EPHX2: variants seen among roughly 807,000 people sequenced by gnomAD.
EPHX2 encodes the protein bifunctional epoxide hydrolase 2.
EPHX2 carries 74 observed loss-of-function variants against 78.7 expected under a neutral mutation model. That is an observed-to-expected ratio of 0.94 (90% CI 0.78 to 1.14). EPHX2 has a LOEUF of 1.14. Ranked by LOEUF, EPHX2 falls within the 50% of genes most tolerant of loss-of-function variation. The pLI is 0.00. For synonymous variants in EPHX2, 251 were observed against 255.2 expected, an observed-to-expected ratio of 0.98 and a Z score of 0.16; for missense variants, 715 against 702.5, an observed-to-expected ratio of 1.02 and a Z score of -0.20.
At chr8:27,538,220 A>AT (rs1286917071) in intron 13 of EPHX2, among the ~76,000 whole-genome samples, 1 of 151,852 alleles carries the variant, frequency 6.6e-6, no homozygotes, top group Admixed American at 6.6e-5. Flanking sequence ...TCATGAGGGG[A>AT]TTTTTTTTCT....
At chr8:27,495,709 CATA>C (rs1813547298) in intron 1 of EPHX2, among the ~76,000 whole-genome samples, 1 of 152,204 alleles carries the variant, frequency 6.6e-6, no homozygotes, top group Non-Finnish European at 1.5e-5. Context: ...TGCAACTACC[CATA>C]AACAGTAAGG....
At chr8:27,499,840 G>GTTC (rs145302103) in intron 1 of EPHX2, among the ~76,000 whole-genome samples, 19,554 of 152,072 alleles carry the variant, frequency 0.13, 1,456 homozygotes, top group African/African-American at 0.22. Context: ...TGTTAACAGT[G>GTTC]TTCTCCCTGT....
intron 6 of EPHX2, among the ~76,000 whole-genome samples, chr8:27,513,646 C>T (rs1814336941): frequency 6.6e-6 from 1 of 151,962 alleles, no homozygotes; most frequent in Non-Finnish European, 1.5e-5. Flanking sequence ...TGTGTTCTGG[C>T]TTTATGGACA....
chr8:27,517,506 A>G (rs186521419), intron 8 of EPHX2, among the ~76,000 whole-genome samples: 1 of 152,362 alleles, frequency 6.6e-6, no homozygotes, highest in Non-Finnish European at 1.5e-5. Flanking sequence ...TTATAAGTCT[A>G]TAGTATGATA....
chr8:27,511,808 T>C (rs1814258359), intron 5 of EPHX2, 28 bp from the exon 6 acceptor site: 1 of 1,611,592 alleles, frequency 6.2e-7, no homozygotes, highest in Admixed American at 1.7e-5. Context: ...TGCTGCTGTC[T>C]CTCTCACTAT....
chr8:27,511,559 TG>T (rs1290777091), intron 5 of EPHX2, among the ~76,000 whole-genome samples: 1 of 152,142 alleles, frequency 6.6e-6, no homozygotes, highest in African/African-American at 2.4e-5. Flanking sequence ...GAGAATCATT[TG>T]GGGGTTTTAA....
chr8:27,540,388 C>T (rs1271255117), intron 14 of EPHX2, among the ~76,000 whole-genome samples, 166 bp from the exon 15 acceptor site: 2 of 151,996 alleles, frequency 1.3e-5, no homozygotes, highest in Non-Finnish European at 2.9e-5. Flanking sequence ...TTTGAGCTTT[C>T]GAGGAGATGG....
intron 8 of EPHX2, among the ~76,000 whole-genome samples, chr8:27,516,917 C>CTTT (rs145423911): frequency 0.059 from 8,489 of 143,420 alleles, 462 homozygotes; most frequent in East Asian, 0.11. Context: ...AATTTCCTTC[C>CTTT]TATTTTTTTT....
intron 13 of EPHX2, 133 bp downstream of exon 13, chr8:27,536,988 A>C: frequency 1.2e-6 from 1 of 843,170 alleles, no homozygotes; most frequent in Non-Finnish European, 1.8e-6. Context: ...AGGGTAATTG[A>C]GGTCCTCACT....
rs1468340019 is a variant in EPHX2 at position 27,504,158 on chromosome 8, A to G, written c.346+395A>G. Among the ~76,000 whole-genome samples the G allele has an allele frequency of 9.9e-5, 15 of 152,236 alleles. 1 individual carries two copies. The highest frequency in any genetic ancestry group is 9.8e-4 in the Admixed American group (15 of 15,290). Reference sequence around the variant, plus strand: ...GCTATGAGTTGGCTGACATGGGCTCAGATTATGTCACATAGTCTAAGACAT... The same window carrying G: ...GCTATGAGTTGGCTGACATGGGCTCGGATTATGTCACATAGTCTAAGACAT... On this transcript the variant is annotated intron_variant, in intron 3 of 18. Coordinates refer to ENST00000521400, the MANE Select transcript of EPHX2 (RefSeq NM_001979.6).
At chr8:27,500,437 G>GTGA (rs1326152315) in intron 1 of EPHX2, among the ~76,000 whole-genome samples, 1 of 152,154 alleles carries the variant, frequency 6.6e-6, no homozygotes, top group Non-Finnish European at 1.5e-5. Context: ...TTATAGCAGT[G>GTGA]TGAGAACAGA....
At chr8:27,546,253 C>T (rs1199876545), downstream of EPHX2, among the ~76,000 whole-genome samples, 2 of 152,082 alleles carry the variant, frequency 1.3e-5, no homozygotes, top group South Asian at 2.1e-4. Context: ...CCCCAGTTCC[C>T]TCATCTATAA....
In EPHX2 at chr8:27,525,397, C is replaced by T. The variant is rs1203274207; in HGVS notation, c.1094C>T (p.Ala365Val). The change falls in exon 12 of 19, where the codon GCA (alanine) becomes GTA (valine). Residue 365 changes from alanine (A) to valine (V), a missense_variant. Transcript: ENST00000521400. ...VASLNTPFIP[A>V]NPNMSPLESI... ...AGTTTGAATACTCCCTTCATACCAG[C>T]AAATCCCAACATGTCCCCTTTGGAG... 6.2e-7 allele frequency: 1 copy of T among 1,614,182 alleles called. No individual in the cohort carries two copies. Among genetic ancestry groups the T allele is most frequent in the Admixed American group, 1.7e-5 (1 of 60,022 alleles).
chr8:27,491,300 C>T lies in EPHX2; in HGVS notation c.92C>T (p.Ala31Val), dbSNP rs1813368049. ...CTCGGCCGCACGGAGGAGGCCCTGG[C>T]GCTGCCCAGGTAAGGGGGCCCAGCG... Reference protein sequence around the residue: ...GVLGRTEEALALPRGLLNDAF... With the variant: ...GVLGRTEEALVLPRGLLNDAF... Residue 31 changes from alanine (A) to valine (V), a missense_variant, in exon 1 of 19, where the codon GCG becomes GTG. Coordinates refer to ENST00000521400, the MANE Select transcript of EPHX2 (RefSeq NM_001979.6). 1.3e-6 allele frequency: 2 copies of T among 1,548,594 alleles called. No individual in the cohort carries two copies. The highest frequency in any genetic ancestry group is 1.4e-5 in the African/African-American group (1 of 70,924).
chr8:27,525,097 TGTGTGTGTGTGC>T (rs1164982498), intron 11 of EPHX2, among the ~76,000 whole-genome samples: 108 of 137,040 alleles, frequency 7.9e-4, no homozygotes, highest in African/African-American at 3.3e-3. Flanking sequence ...TGTGTGTGTG[TGTGTGTGTGTGC>T]GCGCGCGCGC....
rs1815408514 is a variant in EPHX2 at position 27,541,677 on chromosome 8, G to A, written c.1449+135G>A. 5 of 879,280 alleles carry A rather than the reference G, an allele frequency of 5.7e-6. No individual in the cohort carries two copies. The South Asian group carries it at 7.7e-5, about 13-fold the overall frequency. 54.5% of individuals were successfully genotyped at this position (879,280 alleles called of 1,614,324 possible). On this transcript the variant is annotated intron_variant, in intron 16 of 18. Transcript: ENST00000521400. Reference sequence around the variant, plus strand: ...TGCTGGCCACCTCCTTTCCCTTTGGGGTTTGGGAAGTGACTCCCTTCAGGG... The same window carrying A: ...TGCTGGCCACCTCCTTTCCCTTTGGAGTTTGGGAAGTGACTCCCTTCAGGG...
downstream of EPHX2, among the ~76,000 whole-genome samples, chr8:27,545,980 A>G (rs1366860553): frequency 6.6e-6 from 1 of 152,076 alleles, no homozygotes; most frequent in African/African-American, 2.4e-5. Context: ...AGGTTCAGAT[A>G]ATTTGCCCAG....
At chr8:27,515,579 G>A in intron 6 of EPHX2, 139 bp from the exon 7 acceptor site, 1 of 669,886 alleles carries the variant, frequency 1.5e-6, no homozygotes, top group Non-Finnish European at 2.5e-6. Context: ...TGTAACACTG[G>A]GGTCTTTCAC....
downstream of EPHX2, among the ~76,000 whole-genome samples, chr8:27,546,213 G>A (rs6990074): frequency 0.07 from 10,532 of 151,534 alleles, 485 homozygotes; most frequent in African/African-American, 0.13. Flanking sequence ...CTGCATACTC[G>A]CCTTGTGACC....
Sources: gnomAD v4.1 joint callset for allele counts (sites outside exome capture counted in the v4.1 genomes callset) on GRCh38, gnomAD v4.1.1 for gene constraint, MANE v1.5 for transcripts, NCBI Gene and HGNC (gene_info 2026-07-23, HGNC 2026-07-21) for gene names.